Variants in THTPA observed in about 807,000 individuals in gnomAD.
THTPA encodes thiamine triphosphatase.
In THTPA, 16 loss-of-function variants were observed where a neutral mutation model predicts 16.5. That is an observed-to-expected ratio of 0.97 (90% CI 0.66 to 1.47). The LOEUF (loss-of-function observed/expected upper bound fraction) is 1.47, where lower values mean the gene tolerates loss of function less well. Ranked by LOEUF, THTPA falls within the 40% of genes most tolerant of loss-of-function variation. The pLI, the probability that THTPA is intolerant of heterozygous loss-of-function variation, is 0.00. For missense variants in THTPA, 281 were observed against 280.9 expected (o/e 1.00, Z 0.00); for synonymous variants, 110 against 115.5 (o/e 0.95, Z 0.30).
the THTPA span, among the ~76,000 whole-genome samples, chr14:23,550,256 A>C: frequency 6.6e-6 from 1 of 152,162 alleles, no homozygotes; most frequent in Non-Finnish European, 1.5e-5. Context: ...TGCTGAAGGC[A>C]CTAGAGGCTT....
the THTPA span, among the ~76,000 whole-genome samples, chr14:23,540,690 G>A: frequency 3.3e-5 from 5 of 152,184 alleles, no homozygotes; most frequent in African/African-American, 1.2e-4. Context: ...GGGAAATTAC[G>A]TATTGAGCCT....
the THTPA span, among the ~76,000 whole-genome samples, chr14:23,538,843 A>G: frequency 3.9e-5 from 6 of 152,088 alleles, no homozygotes; most frequent in South Asian, 1.2e-3. Flanking sequence ...GGGGAGACAG[A>G]GCAGGCAGTG....
chr14:23,531,781 C>CTT, the THTPA span: 671 of 1,072,178 alleles, frequency 6.3e-4, no homozygotes, highest in South Asian at 1.3e-3. Context: ...CCTCAGGGGA[C>CTT]TTTTTTTTTT....
At chr14:23,525,620 T>C in the THTPA span, 1 of 1,535,790 alleles carries the variant, frequency 6.5e-7, no homozygotes, top group East Asian at 2.4e-5. The surrounding 1 kb of genome is among the most constrained non-coding windows in gnomAD (Gnocchi z 5.9). Flanking sequence ...TAGAAGGGCT[T>C]TGGCTGCAGT....
At chr14:23,523,533 T>G in the THTPA span, 346,043 of 1,536,458 alleles carry the variant, frequency 0.23, 40,379 homozygotes, top group Admixed American at 0.34. This position sits in a 1 kb window ranked among gnomAD's most constrained non-coding sequence, Gnocchi z 4.1. Flanking sequence ...AGGCCCTCAC[T>G]GCTGCCCCCA....
the THTPA span, among the ~76,000 whole-genome samples, chr14:23,544,734 C>G: frequency 6.6e-6 from 1 of 152,196 alleles, no homozygotes; most frequent in African/African-American, 2.4e-5. Context: ...TCTAATGGCG[C>G]TAACCTCATT....
the THTPA span, chr14:23,530,226 G>T: frequency 6.8e-7 from 1 of 1,474,266 alleles, no homozygotes; most frequent in Admixed American, 2.0e-5. Flanking sequence ...TCAGCTTAAA[G>T]AGGTGTGGCA....
At chr14:23,522,201 T>G in the THTPA span, 15 of 1,483,672 alleles carry the variant, frequency 1.0e-5, no homozygotes, top group Admixed American at 3.3e-4. Context: ...CAGTGGTAGG[T>G]GCAGATGGGC....
upstream of THTPA, chr14:23,555,921 A>C (rs1166798342): frequency 2.6e-5 from 4 of 152,254 alleles, no homozygotes; most frequent in Admixed American, 1.3e-4. Context: ...CACCAAGTGC[A>C]GCTTTCCTGT....
At chr14:23,525,416 A>G in the THTPA span, 2 of 1,536,160 alleles carry the variant, frequency 1.3e-6, no homozygotes, top group East Asian at 4.9e-5. The surrounding 1 kb of genome is among the most constrained non-coding windows in gnomAD (Gnocchi z 5.9). Flanking sequence ...CAGGGCTTCA[A>G]AGGGCAGAAA....
upstream of THTPA, among the ~76,000 whole-genome samples, chr14:23,551,858 C>T (rs1264151557): frequency 2.0e-5 from 3 of 152,206 alleles, no homozygotes; most frequent in Middle Eastern, 3.2e-3. This position sits in a 1 kb window ranked among gnomAD's most constrained non-coding sequence, Gnocchi z 5.3. Context: ...CTGTTCGCGC[C>T]CGCCCGCCTG....
chr14:23,535,843 C>T, the THTPA span, among the ~76,000 whole-genome samples: 2 of 152,286 alleles, frequency 1.3e-5, no homozygotes, highest in East Asian at 1.9e-4. The surrounding 1 kb of genome is among the most constrained non-coding windows in gnomAD (Gnocchi z 4.5). Flanking sequence ...CCGCCCACCT[C>T]GGCCTCCCAA....
chr14:23,522,003 T>C, the THTPA span: 1 of 1,536,394 alleles, frequency 6.5e-7, no homozygotes, highest in Non-Finnish European at 8.7e-7. Flanking sequence ...GTTTTTGGGT[T>C]GGAGTCCGTG....
chr14:23,533,687 C>T, the THTPA span: 1 of 1,538,892 alleles, frequency 6.5e-7, no homozygotes, highest in Non-Finnish European at 8.7e-7. The surrounding 1 kb of genome is among the most constrained non-coding windows in gnomAD (Gnocchi z 4.8). Context: ...GGTGGACTTC[C>T]CTGCCCACCA....
chr14:23,544,982 C>T, the THTPA span, among the ~76,000 whole-genome samples: 1 of 152,080 alleles, frequency 6.6e-6, no homozygotes, highest in African/African-American at 2.4e-5. Flanking sequence ...TGTCTCCCTT[C>T]CCGCTTCTCT....
the THTPA span, among the ~76,000 whole-genome samples, chr14:23,520,664 C>T: frequency 1.3e-5 from 2 of 152,136 alleles, no homozygotes; most frequent in African/African-American, 4.8e-5. The surrounding 1 kb of genome is among the most constrained non-coding windows in gnomAD (Gnocchi z 8.7). Context: ...CGCCAGCTCC[C>T]ACCTTGGAGG....
chr14:23,526,274 G>A, the THTPA span: 1 of 1,536,334 alleles, frequency 6.5e-7, no homozygotes, highest in African/African-American at 1.4e-5. Flanking sequence ...GGGGTCAATG[G>A]CAGCCTTCTT....
At chr14:23,512,777 T>G in the THTPA span, 1 of 150,732 alleles carries the variant, frequency 6.6e-6, no homozygotes, top group Admixed American at 6.6e-5. Flanking sequence ...TATATATATT[T>G]TAAATTGCAC....
At chr14:23,523,194 C>T in the THTPA span, 1 of 1,415,090 alleles carries the variant, frequency 7.1e-7, no homozygotes. This position sits in a 1 kb window ranked among gnomAD's most constrained non-coding sequence, Gnocchi z 4.1. Context: ...TCCCAGCCTC[C>T]CTACTCACCT....
Sources: gnomAD v4.1 joint callset for allele counts (sites outside exome capture counted in the v4.1 genomes callset) on GRCh38, gnomAD v4.1.1 for gene constraint, Gnocchi (gnomAD v3.1) non-coding constraint, MANE v1.5 for transcripts, NCBI Gene and HGNC (gene_info 2026-07-23, HGNC 2026-07-21) for gene names.